Variants in CFAP52 observed in about 807,000 individuals in gnomAD.
CFAP52 encodes the protein cilia and flagella associated protein 52.
Under a neutral mutation model 70.5 loss-of-function variants are expected in CFAP52, and 57 were observed. The ratio of observed to expected loss-of-function variants is 0.81; its 90% CI spans 0.65 to 1.01. CFAP52 has a LOEUF of 1.01. CFAP52 is among the 50% of genes least tolerant of loss of function. The pLI is 0.00. For missense variants in CFAP52, 785 were observed against 788.5 expected (o/e 1.00, Z 0.05); for synonymous variants, 267 against 292.5 (o/e 0.91, Z 0.89).
chr17:9,589,802 T>TTTTTTTC (rs1491501529), intron 3 of CFAP52: 1 of 846 alleles, frequency 1.2e-3, no homozygotes. Context: ...TTAGCTCAAC[T>TTTTTTTC]TTTTTTTTTT....
intron 3 of CFAP52, chr17:9,589,910 T>A (rs1244320051): frequency 6.6e-6 from 1 of 152,600 alleles, no homozygotes; most frequent in African/African-American, 2.4e-5. Context: ...TTCTATTTCT[T>A]AGTTTCTTCC....
Position 9,608,103 on chromosome 17 carries a change from C to G in CFAP52, c.754-16C>G. ...GAGATTTTTGTGCTTTTTCTTAACA[C>G]AGTTTTTCCCCCTAGGGAGTGTCAG... On this transcript the variant is annotated splice_polypyrimidine_tract_variant and intron_variant, in intron 6 of 13. Coordinates refer to ENST00000352665, the MANE Select transcript of CFAP52 (RefSeq NM_145054.5). 21 of 1,596,946 alleles carry G rather than the reference C, an allele frequency of 1.3e-5. No homozygotes were observed. Among genetic ancestry groups the G allele is most frequent in the Non-Finnish European group, 1.7e-5 (20 of 1,169,564 alleles).
chr17:9,579,907 T>G (rs917071161), intron 1 of CFAP52, among the ~76,000 whole-genome samples: 46 of 152,224 alleles, frequency 3.0e-4, no homozygotes, highest in African/African-American at 1.1e-3. Context: ...AATATGTAAC[T>G]GTACTTGACA....
intron 11 of CFAP52, among the ~76,000 whole-genome samples, chr17:9,638,217 G>A (rs1910894080): frequency 6.6e-6 from 1 of 152,196 alleles, no homozygotes; most frequent in Non-Finnish European, 1.5e-5. Flanking sequence ...TCAGACTGTA[G>A]GGAGCTCCAC....
At chr17:9,605,354 A>T (rs1909440643) in intron 6 of CFAP52, among the ~76,000 whole-genome samples, 2 of 152,202 alleles carry the variant, frequency 1.3e-5, no homozygotes, top group Non-Finnish European at 2.9e-5. Flanking sequence ...TGCCAGTCTG[A>T]AAGACTGCAC....
downstream of CFAP52, chr17:9,643,592 T>C (rs1911188956): frequency 6.5e-6 from 1 of 154,814 alleles, no homozygotes; most frequent in African/African-American, 2.4e-5. Context: ...TCAAGCTATA[T>C]GGGACTAGAC....
chr17:9,599,059 T>C (rs1909151133), intron 5 of CFAP52, among the ~76,000 whole-genome samples: 1 of 152,240 alleles, frequency 6.6e-6, no homozygotes, highest in African/African-American at 2.4e-5. Context: ...ATATTTTAAA[T>C]GTGGGTTTAT....
downstream of CFAP52, chr17:9,644,645 A>C (rs1911238752): frequency 6.6e-6 from 1 of 152,120 alleles, no homozygotes; most frequent in Non-Finnish European, 1.5e-5. Context: ...AGGCCAAACT[A>C]ATTCTGATTG....
In CFAP52 at chr17:9,643,056, A is replaced by G; in HGVS notation, c.1721A>G (p.Tyr574Cys). 1 of 1,610,316 alleles carries G rather than the reference A, an allele frequency of 6.2e-7. No homozygotes were observed. Reference sequence around the variant, plus strand: ...GACCATCTGGTCAAAGTTTGGGATTATAATGAGGGTGAAGTGACTCACGTT... The same window carrying G: ...GACCATCTGGTCAAAGTTTGGGATTGTAATGAGGGTGAAGTGACTCACGTT... ...GNDHLVKVWD[Y>C]NEGEVTHVGV... Residue 574 changes from tyrosine to cysteine, a missense_variant, in exon 14 of 14, where the codon TAT (tyrosine) becomes TGT (cysteine). Tyr to Cys is a radical substitution (Grantham distance 194). Coordinates refer to ENST00000352665, the MANE Select transcript of CFAP52 (RefSeq NM_145054.5).
At chr17:9,577,046 C>T (rs1907982279) in intron 1 of CFAP52, among the ~76,000 whole-genome samples, 1 of 152,190 alleles carries the variant, frequency 6.6e-6, no homozygotes, top group African/African-American at 2.4e-5. Flanking sequence ...CCAGGCGGGC[C>T]GGATGAGTAC....
At chr17:9,631,028 A>AAGAAAGAGAGAGAGAGAGAGAG (rs1555544250) in intron 9 of CFAP52, among the ~76,000 whole-genome samples, 2 of 44,732 alleles carry the variant, frequency 4.5e-5, no homozygotes, top group African/African-American at 1.2e-4. Flanking sequence ...GAAAGAAAGA[A>AAGAAAGAGAGAGAGAGAGAGAG]AGAGAGAGAG....
intron 3 of CFAP52, among the ~76,000 whole-genome samples, chr17:9,591,030 CT>C (rs34888799): frequency 0.02 from 1,525 of 76,668 alleles, 24 homozygotes; most frequent in African/African-American, 0.078. Context: ...TTGCATGCAT[CT>C]TTTTTTTTTT....
intron 7 of CFAP52, among the ~76,000 whole-genome samples, chr17:9,609,190 G>A (rs572658563): frequency 2.6e-5 from 4 of 151,942 alleles, no homozygotes; most frequent in East Asian, 1.9e-4. Flanking sequence ...GGGGTACCAG[G>A]CATCATTCTA....
At chr17:9,590,261 C>T (rs751826661) in intron 3 of CFAP52, 10 of 191,268 alleles carry the variant, frequency 5.2e-5, no homozygotes, top group Non-Finnish European at 8.0e-5. Context: ...TGCCCATGTG[C>T]CTGCCCTTCT....
chr17:9,610,717 TTAG>T (rs1451700030), intron 7 of CFAP52, among the ~76,000 whole-genome samples: 40 of 152,082 alleles, frequency 2.6e-4, no homozygotes, highest in Admixed American at 2.6e-3. Flanking sequence ...TTTTGTATTT[TTAG>T]TAGAGATGGG....
chr17:9,625,529 C>T (rs143190154), intron 8 of CFAP52, among the ~76,000 whole-genome samples: 2 of 151,886 alleles, frequency 1.3e-5, no homozygotes, highest in Admixed American at 6.6e-5. Context: ...AGGATATTCC[C>T]CCTTTAAATT....
At chr17:9,612,183 G>A (rs1205473606) in intron 7 of CFAP52, 126 bp from the exon 8 acceptor site, 1 of 1,243,762 alleles carries the variant, frequency 8.0e-7, no homozygotes, top group Non-Finnish European at 1.1e-6. Flanking sequence ...CTTTTCAACT[G>A]TGTCACTTCT....
chr17:9,613,217 C>T (rs1197515217), intron 8 of CFAP52, among the ~76,000 whole-genome samples: 2 of 150,780 alleles, frequency 1.3e-5, no homozygotes, highest in African/African-American at 2.4e-5. Context: ...GTGGGTATTA[C>T]GAGGGCTTCT....
At position 9,635,434 on chromosome 17, in the gene CFAP52, C is replaced by T. The variant is rs546975663; in HGVS notation, c.1350C>T (p.Thr450=). Residue 450 remains threonine (T), a synonymous_variant, in exon 11 of 14, where the codon ACC becomes ACT. Coordinates refer to ENST00000352665, the MANE Select transcript of CFAP52 (RefSeq NM_145054.5). ...EVRVWQIGCQ[T]QKLEEALKEH... is the part of the protein sequence containing the mutation. ...GGGTATGGCAGATAGGCTGTCAGAC[C>T]CAGAAGCTGGAGGAGGCCCTGAAGG... The T allele has an allele frequency of 1.9e-6, 3 of 1,614,080 alleles. No individual in the cohort carries two copies. Among genetic ancestry groups the T allele is most frequent in the Admixed American group, 3.3e-5 (2 of 60,008 alleles).
Sources: allele counts gnomAD v4.1 joint callset (sites outside exome capture counted in the v4.1 genomes callset), GRCh38; gene constraint gnomAD v4.1.1; transcripts MANE v1.5; gene names NCBI Gene and HGNC (gene_info 2026-07-23, HGNC 2026-07-21).